Variants in SOX5 observed in about 807,000 individuals in gnomAD.
The protein encoded by SOX5 is transcription factor SOX-5.
In SOX5, 9 loss-of-function variants were observed where a neutral mutation model predicts 92.0. The observed-to-expected ratio is 0.10, with a 90% CI of 0.06 to 0.17. The LOEUF (loss-of-function observed/expected upper bound fraction) is 0.17, where lower values mean the gene tolerates loss of function less well. Among genes scored for constraint, SOX5 ranks in the 10% least tolerant of loss-of-function variants. The pLI is 1.00. For missense variants in SOX5, 642 were observed against 944.5 expected, an observed-to-expected ratio of 0.68 and a Z score of 4.20; for synonymous variants, 344 against 336.3, an observed-to-expected ratio of 1.02 and a Z score of -0.25.
chr12:23,952,602 G>A (rs1340035966), upstream of SOX5, among the ~76,000 whole-genome samples: 3 of 152,162 alleles, frequency 2.0e-5, no homozygotes, highest in Non-Finnish European at 1.5e-5. Context: ...AAACATTACT[G>A]TAGCCATTCA....
chr12:23,982,060 A>G (rs1949623027), intron 4 of SOX5, among the ~76,000 whole-genome samples: 1 of 152,216 alleles, frequency 6.6e-6, no homozygotes, highest in Non-Finnish European at 1.5e-5. Flanking sequence ...AGTATGATTG[A>G]TGGAGATATA....
rs33940692 is a variant in SOX5, at chr12:24,376,878, A to ATTT, written c.-250-8242_-250-8240dup. Among the ~76,000 whole-genome samples, 221 of 139,902 alleles carry ATTT rather than the reference A, an allele frequency of 1.6e-3. 2 individuals carry two copies. The highest frequency in any genetic ancestry group is 0.011 in the Middle Eastern group (3 of 272). The allele number at this position is 139,902 out of a possible 152,430, so 91.8% of individuals were successfully genotyped here. ...GCCCCATGCCCAGCTAATTTTTTGA[A>ATTT]TTTTTTTTTTTTTGTAGAGATGGGG... On this transcript the variant is annotated intron_variant, in intron 1 of 4. Coordinates refer to the SOX5 transcript ENST00000446891.
chr12:23,812,796 T>G (rs1237100002), intron 3 of SOX5, among the ~76,000 whole-genome samples: 1 of 152,148 alleles, frequency 6.6e-6, no homozygotes, highest in Non-Finnish European at 1.5e-5. Flanking sequence ...GTACTGTATC[T>G]CAGGAACACA....
intron 9 of SOX5, among the ~76,000 whole-genome samples, chr12:23,595,015 G>A (rs1256565597): frequency 6.6e-6 from 1 of 152,022 alleles, no homozygotes; most frequent in Non-Finnish European, 1.5e-5. Context: ...ATATCACTTA[G>A]CATGCACAAA....
intron 1 of SOX5, among the ~76,000 whole-genome samples, chr12:24,430,396 C>A (rs994052382): frequency 2.6e-5 from 4 of 151,622 alleles, no homozygotes; most frequent in African/African-American, 7.3e-5. Context: ...TTAACCATGA[C>A]AAAATTATAT....
chr12:23,741,723 T>C (rs2093803784), intron 4 of SOX5, among the ~76,000 whole-genome samples: 1 of 152,158 alleles, frequency 6.6e-6, no homozygotes, highest in South Asian at 2.1e-4. Context: ...TGAGCAAATA[T>C]TCAAGTTTGA....
At chr12:24,028,610 G>A (rs1391788) in intron 4 of SOX5, among the ~76,000 whole-genome samples, 12,757 of 151,828 alleles carry the variant, frequency 0.084, 777 homozygotes, top group African/African-American at 0.17. Flanking sequence ...GGATTAGTAC[G>A]GGATGATAAC....
chr12:24,065,673 A>AAAAAAG (rs913879241), intron 4 of SOX5, among the ~76,000 whole-genome samples: 1 of 151,304 alleles, frequency 6.6e-6, no homozygotes, highest in Non-Finnish European at 1.5e-5. Flanking sequence ...AAAAGAAAAG[A>AAAAAAG]AAAAAGAAAA....
intron 1 of SOX5, among the ~76,000 whole-genome samples, chr12:24,523,038 CTG>C (rs1418317125): frequency 6.6e-6 from 1 of 152,022 alleles, no homozygotes; most frequent in African/African-American, 2.4e-5. Flanking sequence ...CATTTAAAAA[CTG>C]TTAGAACTAA....
At chr12:23,558,846 G>T (rs942826352) in intron 11 of SOX5, among the ~76,000 whole-genome samples, 1 of 152,058 alleles carries the variant, frequency 6.6e-6, no homozygotes. Flanking sequence ...CAGGTGATCC[G>T]CCTGCCTCAG....
intron 3 of SOX5, among the ~76,000 whole-genome samples, chr12:24,261,812 C>CT (rs965875326): frequency 6.6e-6 from 1 of 152,200 alleles, no homozygotes; most frequent in African/African-American, 2.4e-5. Context: ...TTAGCTTTGC[C>CT]TTTTTGGATT....
intron 1 of SOX5, among the ~76,000 whole-genome samples, chr12:24,497,875 A>G (rs927222624): frequency 1.3e-5 from 2 of 152,244 alleles, no homozygotes; most frequent in Non-Finnish European, 2.9e-5. Context: ...AGCCATAAAA[A>G]GAATGAGATC....
intron 6 of SOX5, among the ~76,000 whole-genome samples, chr12:23,686,957 C>G (rs1481169413): frequency 6.6e-6 from 1 of 151,992 alleles, no homozygotes; most frequent in Non-Finnish European, 1.5e-5. Flanking sequence ...TTAAGAAAAA[C>G]AGCCTCTGGT....
chr12:23,733,305 C>A (rs1213513614), intron 6 of SOX5, among the ~76,000 whole-genome samples: 3 of 152,128 alleles, frequency 2.0e-5, no homozygotes, highest in Non-Finnish European at 4.4e-5. Flanking sequence ...AATATTAATA[C>A]CTATGCTTTG....
intron 1 of SOX5, among the ~76,000 whole-genome samples, chr12:24,453,642 T>C (rs1942631478): frequency 1.3e-5 from 2 of 152,190 alleles, no homozygotes; most frequent in South Asian, 4.1e-4. Context: ...ACAATTCTCT[T>C]GCAGGTGTGA....
At chr12:23,861,699 G>T (rs1003466178) in intron 2 of SOX5, among the ~76,000 whole-genome samples, 4 of 152,094 alleles carry the variant, frequency 2.6e-5, no homozygotes, top group Admixed American at 1.3e-4. Flanking sequence ...TTGACTCATG[G>T]AGCTCAATTT....
chr12:23,636,567 G>T (rs1212993325), intron 8 of SOX5, among the ~76,000 whole-genome samples: 2 of 152,042 alleles, frequency 1.3e-5, no homozygotes, highest in Non-Finnish European at 2.9e-5. Flanking sequence ...ACCATAAGTA[G>T]GAATAGATTT....
chr12:24,349,414 T>G (rs757357952), intron 2 of SOX5, among the ~76,000 whole-genome samples: 1 of 152,168 alleles, frequency 6.6e-6, no homozygotes. Flanking sequence ...CTATAGCCCT[T>G]TGACAATAAG....
intron 9 of SOX5, among the ~76,000 whole-genome samples, chr12:23,593,529 T>G (rs887535889): frequency 6.6e-6 from 1 of 152,104 alleles, no homozygotes; most frequent in Non-Finnish European, 1.5e-5. Context: ...TGTACATTAG[T>G]GAATGTGAAA....
Sources: allele counts gnomAD v4.1 joint callset (sites outside exome capture counted in the v4.1 genomes callset), GRCh38; gene constraint gnomAD v4.1.1; transcripts MANE v1.5; gene names NCBI Gene and HGNC (gene_info 2026-07-23, HGNC 2026-07-21).